The following CTBP1 variants were observed in gnomAD, a reference collection of about 807,000 sequenced individuals.
CTBP1 encodes the protein C-terminal binding protein 1.
Under a neutral mutation model 42.1 loss-of-function variants are expected in CTBP1, and 11 were observed. The observed-to-expected ratio is 0.26, with a 90% CI of 0.16 to 0.43. CTBP1 has a LOEUF of 0.43. CTBP1 is among the 20% of genes least tolerant of loss of function. CTBP1 has a pLI of 1.00. For missense variants in CTBP1, 399 were observed against 624.3 expected (o/e 0.64, Z 3.85); for synonymous variants, 324 against 277.1 (o/e 1.17, Z -1.68).
At chr4:1,244,622 C>T (rs1278517389) in intron 1 of CTBP1, 1 of 985,264 alleles carries the variant, frequency 1.0e-6, no homozygotes, top group Non-Finnish European at 1.2e-6. Flanking sequence ...CCCACAGCAG[C>T]CCCTAAAGCC....
chr4:1,226,208 C>G (rs1183048557), intron 4 of CTBP1, among the ~76,000 whole-genome samples: 1 of 152,178 alleles, frequency 6.6e-6, no homozygotes, highest in African/African-American at 2.4e-5. Context: ...GAGACAGGCC[C>G]TTCCCCAGCC....
rs116402817 is a variant in CTBP1, at chr4:1,224,189, C to T, written c.514+1171G>A. On this transcript the variant is annotated intron_variant, in intron 5 of 9. Transcript: ENST00000382952. ...TATCTGCGTACGTGCCCATGACTGA[C>T]ATCAATGTGTGTCCATGTGAGGTCA... Among the ~76,000 whole-genome samples, 583 of 152,292 alleles carry T rather than the reference C, an allele frequency of 3.8e-3. 3 individuals are homozygous for T. Among genetic ancestry groups the T allele is most frequent in the African/African-American group, 0.013 (544 of 41,558 alleles).
chr4:1,249,987 T>TC (rs1169909280), upstream of CTBP1: 2 of 162,366 alleles, frequency 1.2e-5, no homozygotes, highest in Admixed American at 6.4e-5. Context: ...CTGCAGACTC[T>TC]CCCGAGGGGC....
rs781159425 is a variant in CTBP1 at position 1,214,388 on chromosome 4, C to T, written c.815G>A (p.Arg272Gln). 7 of 1,565,124 alleles carry T rather than the reference C, an allele frequency of 4.5e-6. No individual in the cohort carries two copies. The highest frequency in any genetic ancestry group is 6.0e-6 in the Non-Finnish European group (7 of 1,161,236). Reference sequence around the variant, plus strand: ...CACATCCAGGGCCGCGCCGCGGATCCGGCCCTCCTTCAGGGCCTGGGCCAG... The same window carrying T: ...CACATCCAGGGCCGCGCCGCGGATCTGGCCCTCCTTCAGGGCCTGGGCCAG... ...KALAQALKEG[R>Q]IRGAALDVHE... Residue 272 changes from arginine (R) to glutamine (Q), a missense_variant, in exon 7 of 10, where the codon CGG (arginine) becomes CAG (glutamine). Arg to Gln is a conservative substitution (Grantham distance 43). Transcript: ENST00000382952.
Position 1,228,221 on chromosome 4 carries a change from G to A in CTBP1, c.285C>T (p.Asp95=), listed in dbSNP as rs1278030184. 1.2e-6 allele frequency: 2 copies of A among 1,614,192 alleles called. No homozygotes were observed. Among genetic ancestry groups the A allele is most frequent in the Non-Finnish European group, 8.5e-7 (1 of 1,180,024 alleles). The change falls in exon 4 of 10, where the codon GAC becomes GAT. Residue 95 remains aspartate (D), a synonymous_variant. Transcript: ENST00000382952. ...VRIGSGFDNI[D]IKSAGDLGIA... is the part of the protein sequence containing the mutation. ...TACCTAAATCCCCGGCCGACTTGAT[G>A]TCGATGTTGTCAAAACCACTGCCAA...
At chr4:1,241,558 G>C (rs766116838) in intron 1 of CTBP1, 39 bp from the exon 2 acceptor site, 3 of 1,537,740 alleles carry the variant, frequency 2.0e-6, no homozygotes, top group Non-Finnish European at 2.6e-6. Context: ...AAATGCCATC[G>C]AAGGTCCGAC....
intron 5 of CTBP1, among the ~76,000 whole-genome samples, chr4:1,224,042 G>A (rs983240666): frequency 4.6e-5 from 7 of 152,208 alleles, no homozygotes; most frequent in Non-Finnish European, 1.0e-4. Flanking sequence ...GACCACGGAG[G>A]AAGCCCACGG....
At chr4:1,245,290 C>G (rs2108804852) in intron 1 of CTBP1, 1 of 985,456 alleles carries the variant, frequency 1.0e-6, no homozygotes. Context: ...AGATTCCTCT[C>G]CAGGACATCC....
chr4:1,214,313 G>T, intron 7 of CTBP1, 30 bp downstream of exon 7: 1 of 1,526,762 alleles, frequency 6.5e-7, no homozygotes, highest in East Asian at 2.6e-5. Context: ...ACAGGGAAGA[G>T]CAGGGGGGCG....
intron 3 of CTBP1, among the ~76,000 whole-genome samples, chr4:1,232,248 T>C (rs905343815): frequency 1.3e-5 from 2 of 152,198 alleles, no homozygotes; most frequent in African/African-American, 4.8e-5. Flanking sequence ...GGCACACAAA[T>C]TGAAAATACC....
intron 8 of CTBP1, 127 bp downstream of exon 8, chr4:1,213,351 A>G: frequency 3.5e-6 from 5 of 1,443,326 alleles, no homozygotes; most frequent in Non-Finnish European, 2.8e-6. Context: ...CTGGGGGTGC[A>G]GTGAGAGCAC....
intron 2 of CTBP1, among the ~76,000 whole-genome samples, chr4:1,240,967 G>C (rs1226165160): frequency 1.3e-5 from 2 of 152,202 alleles, no homozygotes; most frequent in Admixed American, 1.3e-4. Context: ...CCTGCTCCTG[G>C]GCCAGCCGGG....
At chr4:1,213,187 G>C in intron 8 of CTBP1, 157 bp from the exon 9 acceptor site, 1 of 758,340 alleles carries the variant, frequency 1.3e-6, no homozygotes, top group Non-Finnish European at 2.1e-6. Context: ...GTCTCTCTGG[G>C]CACTGGCACC....
At chr4:1,226,154 C>T (rs1017998135) in intron 4 of CTBP1, among the ~76,000 whole-genome samples, 3 of 152,114 alleles carry the variant, frequency 2.0e-5, no homozygotes, top group East Asian at 3.9e-4. Flanking sequence ...TGGCCAGGCA[C>T]GCCCATGTGT....
intron 1 of CTBP1, among the ~76,000 whole-genome samples, chr4:1,247,033 T>G (rs930529590): frequency 5.9e-5 from 9 of 152,068 alleles, no homozygotes; most frequent in Non-Finnish European, 1.0e-4. Flanking sequence ...GTCCCACTCA[T>G]CAGAGGGACA....
At position 1,233,493 on chromosome 4, in the gene CTBP1, C is replaced by T. The variant is rs73793141; in HGVS notation, c.162+4690G>A. ...GGAGCCGCCCTGCCGCTCCAGGCCC[C>T]GCAGCCCACACCGGACGCAGCCTCC... On this transcript the variant is annotated intron_variant, in intron 3 of 9. Transcript: ENST00000382952. This position sits in a 1 kb window ranked among gnomAD's most constrained non-coding sequence, Gnocchi z 4.6. Among the ~76,000 whole-genome samples, 441 of 152,336 alleles carry T rather than the reference C, an allele frequency of 2.9e-3. 4 individuals carry two copies. Among genetic ancestry groups the T allele is most frequent in the African/African-American group, 0.01 (417 of 41,584 alleles).
At chr4:1,221,738 G>A in intron 5 of CTBP1, 1 of 394,886 alleles carries the variant, frequency 2.5e-6, no homozygotes, top group Non-Finnish European at 5.0e-6. Flanking sequence ...GGCCGCCACG[G>A]GAGAAGGGGG....
rs1188830225 is a variant in CTBP1, at chr4:1,227,170, G to C, written c.307+1029C>G. On this transcript the variant is annotated intron_variant, in intron 4 of 9. Transcript: ENST00000382952. Reference sequence around the variant, plus strand: ...ATGTGCATGTTCCATGTGCGTGTAGGTGCACGGGTGCAGACGTGCGTGTTC... The same window carrying C: ...ATGTGCATGTTCCATGTGCGTGTAGCTGCACGGGTGCAGACGTGCGTGTTC... Among the ~76,000 whole-genome samples, 3 of 152,016 alleles carry C rather than the reference G, an allele frequency of 2.0e-5. No homozygotes were observed. In the East Asian group the frequency reaches 5.8e-4, roughly 30 times the overall value.
chr4:1,214,016 C>G, intron 7 of CTBP1: 1 of 424,584 alleles, frequency 2.4e-6, no homozygotes, highest in Non-Finnish European at 4.2e-6. Flanking sequence ...GGCTGCAGGT[C>G]TGGACGGGAT....
Sources: allele counts gnomAD v4.1 joint callset (sites outside exome capture counted in the v4.1 genomes callset), GRCh38; gene constraint gnomAD v4.1.1; non-coding constraint Gnocchi (gnomAD v3.1); transcripts MANE v1.5; gene names NCBI Gene and HGNC (gene_info 2026-07-23, HGNC 2026-07-21).